The following TANC2 variants were observed in gnomAD, a reference collection of about 807,000 sequenced individuals.
The protein encoded by TANC2 is protein TANC2.
TANC2 carries 26 observed loss-of-function variants against 210.5 expected under a neutral mutation model. That is an observed-to-expected ratio of 0.12 (90% CI 0.09 to 0.17). The LOEUF (loss-of-function observed/expected upper bound fraction) is 0.17. Ranked by LOEUF, TANC2 falls within the 10% of genes least tolerant of loss-of-function variation. TANC2 has a pLI of 1.00. For synonymous variants in TANC2, 931 were observed against 967.1 expected, an observed-to-expected ratio of 0.96 and a Z score of 0.69; for missense variants, 2,129 against 2,608.9, an observed-to-expected ratio of 0.82 and a Z score of 4.01.
intron 7 of TANC2, among the ~76,000 whole-genome samples, chr17:63,205,344 C>CAAAAA (rs1158768609): frequency 0.042 from 338 of 8,062 alleles, 104 homozygotes; most frequent in Non-Finnish European, 0.053. Context: ...ACCAAGGAGG[C>CAAAAA]AAAAAAAAAA....
chr17:63,283,622 T>C (rs1183017498), intron 9 of TANC2, among the ~76,000 whole-genome samples: 1 of 151,988 alleles, frequency 6.6e-6, no homozygotes. Context: ...CCAACCTATA[T>C]AGTATATCTC....
chr17:63,249,665 G>A (rs1311528768), intron 8 of TANC2, among the ~76,000 whole-genome samples: 1 of 152,086 alleles, frequency 6.6e-6, no homozygotes, highest in Non-Finnish European at 1.5e-5. Flanking sequence ...GAATCTAGGG[G>A]GATTTAAGCA....
At chr17:63,173,818 T>A (rs1416678379) in intron 5 of TANC2, among the ~76,000 whole-genome samples, 2 of 152,332 alleles carry the variant, frequency 1.3e-5, no homozygotes, top group Admixed American at 6.5e-5. Flanking sequence ...ATAAATTTTT[T>A]AATAATAATC....
chr17:63,171,125 G>A (rs1182372151), intron 5 of TANC2, among the ~76,000 whole-genome samples: 3 of 117,186 alleles, frequency 2.6e-5, no homozygotes, highest in Admixed American at 1.2e-4. Context: ...TTGCTCCCTC[G>A]CCCAGGCTGG....
chr17:62,987,188 T>C (rs1380443954), intron 1 of TANC2, among the ~76,000 whole-genome samples: 1 of 151,828 alleles, frequency 6.6e-6, no homozygotes, highest in African/African-American at 2.4e-5. Flanking sequence ...GCAGTGGGAG[T>C]TGGTTCTTTG....
intron 8 of TANC2, among the ~76,000 whole-genome samples, chr17:63,252,199 A>T (rs1211322354): frequency 2.0e-5 from 3 of 152,120 alleles, no homozygotes; most frequent in Non-Finnish European, 2.9e-5. Context: ...ATAATTTTTT[A>T]AAAATATATC....
At chr17:63,299,334 T>A (rs112070591) in intron 9 of TANC2, among the ~76,000 whole-genome samples, 3,204 of 152,304 alleles carry the variant, frequency 0.021, 104 homozygotes, top group African/African-American at 0.072. Flanking sequence ...TCTAGATCCT[T>A]GAGGAATCGC....
At chr17:63,068,435 G>A (rs568682979) in intron 2 of TANC2, among the ~76,000 whole-genome samples, 1 of 152,106 alleles carries the variant, frequency 6.6e-6, no homozygotes, top group South Asian at 2.1e-4. Context: ...TAGTAGTTTC[G>A]CTTCTATATC....
intron 4 of TANC2, among the ~76,000 whole-genome samples, chr17:63,108,846 T>A (rs1360860939): frequency 1.3e-5 from 2 of 151,206 alleles, no homozygotes; most frequent in East Asian, 3.9e-4. Context: ...TAAAAAATTT[T>A]AAAAAGTTGA....
At chr17:63,046,124 A>G (rs1032410024) in intron 2 of TANC2, among the ~76,000 whole-genome samples, 4 of 151,910 alleles carry the variant, frequency 2.6e-5, no homozygotes, top group Admixed American at 6.6e-5. Flanking sequence ...TAAATTTTGT[A>G]TATTGCATAT....
chr17:63,388,957 A>C (rs2047873714), intron 16 of TANC2, among the ~76,000 whole-genome samples, 200 bp downstream of exon 16: 1 of 152,186 alleles, frequency 6.6e-6, no homozygotes, highest in African/African-American at 2.4e-5. Flanking sequence ...AACTTCTATA[A>C]GCTGACTCTG....
At chr17:63,160,209 A>G (rs1405964868) in intron 5 of TANC2, among the ~76,000 whole-genome samples, 1 of 152,192 alleles carries the variant, frequency 6.6e-6, no homozygotes, top group East Asian at 1.9e-4. Flanking sequence ...AATTTGGGGG[A>G]GACACAAACA....
chr17:63,418,824 A>G lies in TANC2; in HGVS notation c.4268+417A>G, dbSNP rs1259512776. 1.3e-5 allele frequency among the ~76,000 whole-genome samples: 2 copies of G among 152,124 alleles called. No homozygotes were observed. Among genetic ancestry groups the G allele is most frequent in the African/African-American group, 2.4e-5 (1 of 41,414 alleles). On this transcript the variant is annotated intron_variant, in intron 27 of 27. Transcript: ENST00000689528. This position sits in a 1 kb window ranked among gnomAD's most constrained non-coding sequence, Gnocchi z 4.6. ...ATCACAGGTTCCTCTTCCTTCTCCCATAGGCGTTTGAGGAATCCCGGATTA... is the reference window on the plus strand; with the variant it reads ...ATCACAGGTTCCTCTTCCTTCTCCCGTAGGCGTTTGAGGAATCCCGGATTA...
At chr17:63,308,294 T>C (rs2044994758) in intron 9 of TANC2, among the ~76,000 whole-genome samples, 1 of 152,190 alleles carries the variant, frequency 6.6e-6, no homozygotes, top group Non-Finnish European at 1.5e-5. Flanking sequence ...CCTCTACATC[T>C]AGTTTTTTGA....
rs565313578 is a variant in TANC2, at chr17:63,126,370, C to T, written c.323-24900C>T. 4.6e-5 allele frequency among the ~76,000 whole-genome samples: 7 copies of T among 152,220 alleles called. No homozygotes were observed. In the South Asian group the frequency reaches 1.5e-3, roughly 32 times the overall value. On this transcript the variant is annotated intron_variant, in intron 4 of 27. Transcript: ENST00000689528. ...GATAACACTATTATGATGTTAAGAG[C>T]CTTTACTCACTAAGGTTTTTTTAGT...
chr17:63,292,580 G>A (rs973698439), intron 9 of TANC2, among the ~76,000 whole-genome samples: 2 of 152,306 alleles, frequency 1.3e-5, no homozygotes, highest in African/African-American at 2.4e-5. Flanking sequence ...CAAACTTTGG[G>A]TGGTAAAAGG....
chr17:63,411,469 T>G, intron 21 of TANC2, 42 bp from the exon 22 acceptor site: 1 of 1,562,620 alleles, frequency 6.4e-7, no homozygotes, highest in Non-Finnish European at 8.7e-7. Context: ...TGCTGTGTGA[T>G]TCCATGTCTC....
At chr17:63,039,151 C>T (rs944129468) in intron 2 of TANC2, among the ~76,000 whole-genome samples, 10 of 152,018 alleles carry the variant, frequency 6.6e-5, no homozygotes, top group African/African-American at 2.4e-4. Context: ...CTTTCATAAG[C>T]TATTTATGTG....
intron 7 of TANC2, among the ~76,000 whole-genome samples, chr17:63,206,211 G>T (rs1038264788): frequency 6.6e-6 from 1 of 152,190 alleles, no homozygotes; most frequent in Non-Finnish European, 1.5e-5. Flanking sequence ...ACAAGTGTTG[G>T]CAAGGACGTG....
Sources: allele counts gnomAD v4.1 joint callset (sites outside exome capture counted in the v4.1 genomes callset), GRCh38; gene constraint gnomAD v4.1.1; non-coding constraint Gnocchi (gnomAD v3.1); transcripts MANE v1.5; gene names NCBI Gene and HGNC (gene_info 2026-07-23, HGNC 2026-07-21).